Variants in SHISA9 observed in about 807,000 individuals in gnomAD.
SHISA9 encodes shisa family member 9.
In SHISA9, 13 loss-of-function variants were observed where a neutral mutation model predicts 38.0. The observed-to-expected ratio is 0.34, with a 90% CI of 0.22 to 0.54. The LOEUF is 0.54. Among genes scored for constraint, SHISA9 ranks in the 20% least tolerant of loss-of-function variants. SHISA9 has a pLI of 0.91. For synonymous variants in SHISA9, 275 were observed against 242.0 expected, an observed-to-expected ratio of 1.14 and a Z score of -1.27; for missense variants, 538 against 575.8, an observed-to-expected ratio of 0.93 and a Z score of 0.67.
intron 2 of SHISA9, among the ~76,000 whole-genome samples, chr16:12,943,441 C>T (rs1041751809): frequency 6.6e-6 from 1 of 150,932 alleles, no homozygotes; most frequent in Non-Finnish European, 1.5e-5. Context: ...ATGACGAAAC[C>T]TCTACCTACC....
intron 2 of SHISA9, among the ~76,000 whole-genome samples, chr16:13,102,771 T>C (rs2073891236): frequency 6.6e-6 from 1 of 152,200 alleles, no homozygotes; most frequent in Non-Finnish European, 1.5e-5. Flanking sequence ...GTTTTGTCCC[T>C]GTTAATCCCC....
At chr16:12,957,698 A>G (rs1046406448) in intron 2 of SHISA9, among the ~76,000 whole-genome samples, 1 of 152,098 alleles carries the variant, frequency 6.6e-6, no homozygotes, top group Non-Finnish European at 1.5e-5. Flanking sequence ...TTCTATAACA[A>G]AATACTATAA....
At chr16:13,387,464 C>G in the SHISA9 span, among the ~76,000 whole-genome samples, 11 of 150,788 alleles carry the variant, frequency 7.3e-5, no homozygotes, top group Non-Finnish European at 8.8e-5. Flanking sequence ...CTGAAAGGAA[C>G]AAGGAAGCTT....
intron 3 of SHISA9, among the ~76,000 whole-genome samples, chr16:13,204,210 G>GTCTGTCTATCTA (rs200624271): frequency 2.9e-3 from 407 of 141,092 alleles, no homozygotes; most frequent in Admixed American, 7.3e-3. Context: ...CTGTCTGTCT[G>GTCTGTCTATCTA]TCTATCTATC....
intron 2 of SHISA9, among the ~76,000 whole-genome samples, chr16:13,113,102 C>T (rs997753277): frequency 3.3e-5 from 5 of 150,452 alleles, no homozygotes; most frequent in African/African-American, 1.2e-4. Flanking sequence ...CCCAGCTACT[C>T]GCAGGGCTGA....
chr16:12,912,751 A>G (rs1023040671), intron 1 of SHISA9, among the ~76,000 whole-genome samples: 17 of 152,154 alleles, frequency 1.1e-4, no homozygotes, highest in African/African-American at 4.1e-4. Flanking sequence ...CAATCCCCGC[A>G]CTGCTTAGTG....
At chr16:13,286,999 C>G in the SHISA9 span, among the ~76,000 whole-genome samples, 44 of 152,028 alleles carry the variant, frequency 2.9e-4, no homozygotes, top group South Asian at 2.3e-3. Flanking sequence ...TTTTTTTTAA[C>G]TCATTACCTC....
chr16:13,187,115 C>G (rs9927509), intron 2 of SHISA9, among the ~76,000 whole-genome samples: 22,669 of 152,084 alleles, frequency 0.15, 1,963 homozygotes, highest in Middle Eastern at 0.23. Context: ...CTGACTTCCC[C>G]GTTTCCCCCA....
intron 1 of SHISA9, among the ~76,000 whole-genome samples, chr16:12,903,887 C>T (rs932700613): frequency 3.3e-5 from 5 of 152,180 alleles, no homozygotes; most frequent in African/African-American, 1.2e-4. Flanking sequence ...GGCAAAGGAA[C>T]ATCACCACCT....
the SHISA9 span, among the ~76,000 whole-genome samples, chr16:13,288,567 A>G: frequency 1.3e-4 from 20 of 152,234 alleles, no homozygotes; most frequent in African/African-American, 4.3e-4. Context: ...AGGCTGAGGC[A>G]GGTGGATCAT....
Position 13,214,254 on chromosome 16 carries a change from C to T in SHISA9, c.895+954C>T, listed in dbSNP as rs765202745. Among the ~76,000 whole-genome samples, 11 of 152,220 alleles carry T rather than the reference C, an allele frequency of 7.2e-5. 1 individual carries two copies. Among genetic ancestry groups the T allele is most frequent in the South Asian group, 2.1e-4 (1 of 4,814 alleles). ...CACTCTGTCACTCAGGCTAAAGTGC[C>T]GTAGTGCGATCTTGGCTCACTGCAA... On this transcript the variant is annotated intron_variant, in intron 4 of 4. Coordinates refer to ENST00000558583, the MANE Select transcript of SHISA9 (RefSeq NM_001145204.3).
At chr16:13,135,005 C>T (rs771378235) in intron 2 of SHISA9, among the ~76,000 whole-genome samples, 13 of 152,260 alleles carry the variant, frequency 8.5e-5, no homozygotes, top group African/African-American at 2.2e-4. Flanking sequence ...TTGGCCAATG[C>T]GAGTCACATG....
chr16:13,203,441 C>G lies in SHISA9; in HGVS notation c.739C>G (p.Gln247Glu). The G allele has an allele frequency of 6.4e-7, 1 of 1,550,624 alleles. No individual in the cohort carries two copies. ...AGTGCCCACCTCTCCTCTGCTCCAG[C>G]AGATGGGCCATCCACATTCGTACCC... ...NAVPTSPLLQ[Q>E]MGHPHSYPNL... is the part of the protein sequence containing the mutation. The change falls in exon 3 of 5, where the codon CAG (glutamine) becomes GAG (glutamate). Residue 247 changes from glutamine (Q) to glutamate (E), a missense_variant. Gln to Glu is a conservative substitution (Grantham distance 29, BLOSUM62 2). Coordinates refer to ENST00000558583, the MANE Select transcript of SHISA9 (RefSeq NM_001145204.3).
the SHISA9 span, among the ~76,000 whole-genome samples, chr16:13,412,895 AAGG>A: frequency 7.2e-5 from 11 of 152,238 alleles, no homozygotes; most frequent in East Asian, 2.1e-3. Context: ...ACAAAACAAA[AAGG>A]AGAAAGACAA....
the SHISA9 span, among the ~76,000 whole-genome samples, chr16:13,263,948 A>G: frequency 1.3e-5 from 2 of 151,994 alleles, no homozygotes; most frequent in South Asian, 4.2e-4. Context: ...TTCCTTATAT[A>G]CCTGTTTCTT....
intron 2 of SHISA9, among the ~76,000 whole-genome samples, chr16:13,110,052 A>G (rs1291853183): frequency 1.3e-5 from 2 of 152,142 alleles, no homozygotes; most frequent in East Asian, 3.9e-4. Context: ...TATTAAGATT[A>G]TATTCAACTT....
intron 2 of SHISA9, among the ~76,000 whole-genome samples, chr16:13,157,021 A>T (rs539287810): frequency 6.6e-6 from 1 of 152,342 alleles, no homozygotes; most frequent in Non-Finnish European, 1.5e-5. Context: ...TCAAGTATGC[A>T]TCAGAGGATT....
intron 1 of SHISA9, among the ~76,000 whole-genome samples, chr16:12,913,848 T>C (rs1439805027): frequency 1.3e-5 from 2 of 152,090 alleles, no homozygotes; most frequent in Non-Finnish European, 2.9e-5. Context: ...AGTGCTTCAT[T>C]TCTTTGTACG....
intron 2 of SHISA9, among the ~76,000 whole-genome samples, chr16:13,076,199 T>A (rs2073579928): frequency 6.6e-6 from 1 of 151,860 alleles, no homozygotes; most frequent in South Asian, 2.1e-4. Context: ...CCTGGCTAAG[T>A]TTTGTATTTT....
Sources: gnomAD v4.1 joint callset for allele counts (sites outside exome capture counted in the v4.1 genomes callset) on GRCh38, gnomAD v4.1.1 for gene constraint, MANE v1.5 for transcripts, NCBI Gene and HGNC (gene_info 2026-07-23, HGNC 2026-07-21) for gene names.